ATXN7: variants seen among roughly 807,000 people sequenced by gnomAD.
ATXN7 encodes the protein ataxin 7.
ATXN7 carries 12 observed loss-of-function variants against 70.5 expected under a neutral mutation model. That is an observed-to-expected ratio of 0.17 (90% confidence interval 0.11 to 0.28). The LOEUF is 0.28. ATXN7 is among the 10% of genes least tolerant of loss of function. ATXN7 has a pLI of 1.00. For missense variants in ATXN7, 1,256 were observed against 1,131.7 expected, an observed-to-expected ratio of 1.11 and a Z score of -1.58; for synonymous variants, 498 against 448.7, an observed-to-expected ratio of 1.11 and a Z score of -1.39.
intron 1 of ATXN7, among the ~76,000 whole-genome samples, chr3:63,878,139 G>A (rs530547162): frequency 6.6e-6 from 1 of 152,288 alleles, no homozygotes; most frequent in Non-Finnish European, 1.5e-5. Context: ...TGGGCTAGTG[G>A]TAAGCAGGTC....
intron 1 of ATXN7, among the ~76,000 whole-genome samples, chr3:63,887,738 A>G (rs1472660485): frequency 6.6e-6 from 1 of 152,108 alleles, no homozygotes; most frequent in African/African-American, 2.4e-5. Flanking sequence ...GGCATGTGTC[A>G]CCACACCCAG....
At chr3:63,954,711 G>GTTTT (rs375112554) in intron 5 of ATXN7, among the ~76,000 whole-genome samples, 1 of 112,456 alleles carries the variant, frequency 8.9e-6, no homozygotes, top group African/African-American at 3.7e-5. Flanking sequence ...TTTTTTTTTT[G>GTTTT]TTTTTTTTTT....
intron 1 of ATXN7, among the ~76,000 whole-genome samples, chr3:63,866,617 C>G (rs771885806): frequency 3.9e-5 from 6 of 152,172 alleles, no homozygotes; most frequent in Non-Finnish European, 7.3e-5. Flanking sequence ...ACTCTAAAAT[C>G]TATTTTGTCA....
Position 63,980,709 on chromosome 3 carries a change from C to T in ATXN7, c.752+542C>T, listed in dbSNP as rs116312488. The T allele has an allele frequency of 5.5e-3, 847 of 153,730 alleles. 3 individuals are homozygous for T. The highest frequency in any genetic ancestry group is 0.01 in the Middle Eastern group (3 of 294). The allele number at this position is 153,730 out of a possible 1,614,324, so 9.5% of individuals were successfully genotyped here. ...TGGCATAGTGTCTGGCCATAGGGGA[C>T]GGTTAACAAATGGATACTGGCACTC... On this transcript the variant is annotated intron_variant, in intron 6 of 12. Transcript: ENST00000674280.
At chr3:63,990,604 C>T in intron 10 of ATXN7, 134 bp from the exon 11 acceptor site, 1 of 1,416,530 alleles carries the variant, frequency 7.1e-7, no homozygotes. Context: ...TTGTCACTCT[C>T]ATGCTTCACA....
upstream of ATXN7, chr3:63,863,390 C>G (rs929695200): frequency 7.8e-5 from 79 of 1,018,464 alleles, no homozygotes; most frequent in Non-Finnish European, 9.1e-5. Flanking sequence ...TGGGTCCTCA[C>G]CGCGCCCCTA....
intron 2 of ATXN7, among the ~76,000 whole-genome samples, chr3:63,906,470 C>A (rs1456803026): frequency 6.6e-6 from 1 of 152,174 alleles, no homozygotes; most frequent in East Asian, 1.9e-4. Flanking sequence ...AAGTGGGTTC[C>A]AGGTTCTAAA....
chr3:63,983,103 T>C (rs950540467), intron 8 of ATXN7, 82 bp downstream of exon 8: 3 of 1,111,644 alleles, frequency 2.7e-6, no homozygotes, highest in Non-Finnish European at 4.1e-6. Context: ...CCACAGTCTC[T>C]CTAACCCAGA....
chr3:63,952,942 C>T (rs1250590495), intron 5 of ATXN7, among the ~76,000 whole-genome samples: 2 of 136,656 alleles, frequency 1.5e-5, no homozygotes, highest in African/African-American at 5.4e-5. Flanking sequence ...AATCCAAATA[C>T]AGTTAGTTGG....
intron 2 of ATXN7, among the ~76,000 whole-genome samples, chr3:63,910,396 G>A (rs1015860338): frequency 2.2e-4 from 33 of 152,264 alleles, no homozygotes; most frequent in African/African-American, 7.5e-4. Context: ...TTCAAATGCC[G>A]TTAAAATCCA....
At chr3:63,941,493 C>G (rs1347075823) in intron 4 of ATXN7, among the ~76,000 whole-genome samples, 2 of 152,194 alleles carry the variant, frequency 1.3e-5, no homozygotes, top group Non-Finnish European at 2.9e-5. Flanking sequence ...GGAACAGTTT[C>G]ATCCTGAAAC....
chr3:63,923,937 A>C (rs1200246349), intron 4 of ATXN7, among the ~76,000 whole-genome samples: 1 of 152,158 alleles, frequency 6.6e-6, no homozygotes, highest in African/African-American at 2.4e-5. Flanking sequence ...AAGTGTAATG[A>C]AAGTTGGGGG....
chr3:63,892,493 A>ACACC (rs1491480205), intron 1 of ATXN7, among the ~76,000 whole-genome samples: 1 of 140,540 alleles, frequency 7.1e-6, no homozygotes, highest in South Asian at 2.2e-4. Flanking sequence ...ACACACACAC[A>ACACC]CCCACACACA....
At chr3:63,968,970 T>C (rs910009723) in intron 5 of ATXN7, among the ~76,000 whole-genome samples, 2 of 152,222 alleles carry the variant, frequency 1.3e-5, no homozygotes, top group African/African-American at 2.4e-5. Context: ...CTGTTGATTC[T>C]CTATAATTGA....
Position 63,998,158 on chromosome 3 carries a change from G to A in ATXN7, c.2662-1292G>A, listed in dbSNP as rs990279484. 5 of 976,006 alleles carry A rather than the reference G, an allele frequency of 5.1e-6. No individual in the cohort carries two copies. In the African/African-American group the frequency reaches 7.2e-5, roughly 14 times the overall value. The allele number at this position is 976,006 out of a possible 1,614,324, so 60.5% of individuals were successfully genotyped here. A position where few individuals can be genotyped will look rare whatever the true frequency, so the allele number is the denominator to read the frequency against. ...TGAGCACACTGTCTTCATTTAGACA[G>A]GAGTGTAGATCTTAATGCCCACAAG... On this transcript the variant is annotated intron_variant, in intron 12 of 12. Transcript: ENST00000674280.
chr3:63,961,317 T>TA (rs2075127231), intron 5 of ATXN7, among the ~76,000 whole-genome samples: 1 of 152,232 alleles, frequency 6.6e-6, no homozygotes, highest in Non-Finnish European at 1.5e-5. Context: ...TATTCCACTT[T>TA]ATTAATGTAT....
chr3:63,959,362 A>G (rs990434486), intron 5 of ATXN7, among the ~76,000 whole-genome samples: 2 of 152,188 alleles, frequency 1.3e-5, no homozygotes, highest in African/African-American at 2.4e-5. Context: ...TGAGCCAGGG[A>G]TGGGAGCTAA....
intron 1 of ATXN7, among the ~76,000 whole-genome samples, chr3:63,869,669 C>G (rs890645333): frequency 6.6e-6 from 1 of 152,180 alleles, no homozygotes; most frequent in Non-Finnish European, 1.5e-5. Context: ...AGGTGATCCA[C>G]CTGCCTCGGC....
At position 63,910,799 on chromosome 3, in the gene ATXN7, T is replaced by G. The variant is rs1279159891; in HGVS notation, c.-11-1789T>G. On this transcript the variant is annotated intron_variant, in intron 2 of 12. Transcript: ENST00000674280. ...CAATCCAGGAAAAAATTTTACAGAC[T>G]TATTTCTAAATCTTTCTAAAATAAA... Among the ~76,000 whole-genome samples the G allele has an allele frequency of 2.0e-5, 3 of 152,274 alleles. No individual in the cohort carries two copies. In the Middle Eastern group the frequency reaches 0.01, roughly 518 times the overall value.
Sources: allele counts gnomAD v4.1 joint callset (sites outside exome capture counted in the v4.1 genomes callset), GRCh38; gene constraint gnomAD v4.1.1; transcripts MANE v1.5; gene names NCBI Gene and HGNC (gene_info 2026-07-23, HGNC 2026-07-21).